Variants in DYNC2H1 observed in about 807,000 individuals in gnomAD.
DYNC2H1 encodes dynein cytoplasmic 2 heavy chain 1.
A neutral mutation model predicts 570.0 loss-of-function variants in DYNC2H1; 410 were observed. The observed-to-expected ratio is 0.72, with a 90% CI of 0.66 to 0.78. DYNC2H1 has a LOEUF of 0.78. Ranked by LOEUF, DYNC2H1 falls within the 30% of genes least tolerant of loss-of-function variation. DYNC2H1 has a pLI of 0.00. For synonymous variants in DYNC2H1, 1,688 were observed against 1,677.6 expected (o/e 1.01, Z -0.15); for missense variants, 4,865 against 5,046.4 (o/e 0.96, Z 1.09).
intron 82 of DYNC2H1, among the ~76,000 whole-genome samples, chr11:103,335,300 A>G (rs778905247): frequency 3.9e-5 from 6 of 152,134 alleles, no homozygotes; most frequent in Middle Eastern, 3.2e-3. Flanking sequence ...AACCTCTTTA[A>G]TGACTATACA....
chr11:103,123,365 A>G (rs1436008230), intron 11 of DYNC2H1, among the ~76,000 whole-genome samples: 2 of 152,122 alleles, frequency 1.3e-5, no homozygotes, highest in Non-Finnish European at 2.9e-5. Context: ...GTAAAATTGT[A>G]TTATTTTTAA....
chr11:103,138,666 G>A (rs1055377330), intron 17 of DYNC2H1, among the ~76,000 whole-genome samples: 13 of 152,226 alleles, frequency 8.5e-5, no homozygotes, highest in East Asian at 3.9e-4. Flanking sequence ...ATATTGGTCT[G>A]AAATTCTCTT....
chr11:103,443,834 T>C (rs369830980), intron 85 of DYNC2H1, among the ~76,000 whole-genome samples: 2 of 151,988 alleles, frequency 1.3e-5, no homozygotes, highest in South Asian at 2.1e-4. Context: ...AGATGATTTA[T>C]ATTGGATATT....
Position 103,122,945 on chromosome 11 carries a change from G to A in DYNC2H1, c.1606G>A (p.Asp536Asn). 2 of 1,609,156 alleles carry A rather than the reference G, an allele frequency of 1.2e-6. No homozygotes were observed. Among genetic ancestry groups the A allele is most frequent in the Non-Finnish European group, 1.7e-6 (2 of 1,177,082 alleles). ...QLKLYEQEQF[D>N]DWSRDIQSGL... is the part of the protein sequence containing the mutation. Reference sequence around the variant, plus strand: ...TAAACTATATGAACAGGAACAATTTGATGATTGGTCCAGGGATATTCAATC... The same window carrying A: ...TAAACTATATGAACAGGAACAATTTAATGATTGGTCCAGGGATATTCAATC... The change falls in exon 11 of 89, where the codon GAT (aspartate) becomes AAT (asparagine). Residue 536 changes from aspartate to asparagine, a missense_variant. Coordinates refer to ENST00000375735, the MANE Select transcript of DYNC2H1 (RefSeq NM_001377.3).
chr11:103,155,935 A>T (rs1160585651), intron 25 of DYNC2H1, among the ~76,000 whole-genome samples: 1 of 152,182 alleles, frequency 6.6e-6, no homozygotes, highest in East Asian at 1.9e-4. Flanking sequence ...AGAAGTTATG[A>T]AGCATGACTG....
At position 103,186,323 on chromosome 11, in the gene DYNC2H1, G is replaced by A. The variant is rs1266444660; in HGVS notation, c.6715G>A (p.Ala2239Thr). ...TYYDSTRGRL[A>T]TYVLKKPEDL... Reference sequence around the variant, plus strand: ...CTATGACTCTACTAGGGGTCGATTAGCAACATATGTGCTTAAGAAGCCAGA... The same window carrying A: ...CTATGACTCTACTAGGGGTCGATTAACAACATATGTGCTTAAGAAGCCAGA... Residue 2239 changes from alanine to threonine, a missense_variant, in exon 42 of 89, where the codon GCA becomes ACA. Physicochemically the swap from Ala to Thr is moderately conservative, Grantham distance 58 (BLOSUM62 0). This residue lies in a region of DYNC2H1 where 2,401 missense variants were observed against 2,454.6 expected (regional missense o/e 0.98). Transcript: ENST00000375735. The surrounding 1 kb of genome is among the most constrained non-coding windows in gnomAD (Gnocchi z 4.5). 10 of 1,612,662 alleles carry A rather than the reference G, an allele frequency of 6.2e-6. No individual in the cohort carries two copies. In the East Asian group the frequency reaches 1.8e-4, roughly 29 times the overall value.
intron 82 of DYNC2H1, among the ~76,000 whole-genome samples, chr11:103,349,941 C>T (rs1019392179): frequency 2.6e-5 from 4 of 152,000 alleles, no homozygotes; most frequent in South Asian, 2.1e-4. Context: ...AAAGTTTTCC[C>T]GCCTCCCCCT....
In DYNC2H1 at chr11:103,129,536, T is replaced by C. The variant is rs778884766; in HGVS notation, c.1953+531T>C. On this transcript the variant is annotated intron_variant, in intron 13 of 88. Transcript: ENST00000375735. This position sits in a 1 kb window ranked among gnomAD's most constrained non-coding sequence, Gnocchi z 4.1. ...ATCTCAACTAAAAATACAAAAAAATTAGCCAGGCATGGTGGTGGGTGCCTG... is the reference window on the plus strand; with the variant it reads ...ATCTCAACTAAAAATACAAAAAAATCAGCCAGGCATGGTGGTGGGTGCCTG... Among the ~76,000 whole-genome samples the C allele has an allele frequency of 1.7e-3, 265 of 152,090 alleles. 1 individual carries two copies. The highest frequency in any genetic ancestry group is 1.9e-3 in the Non-Finnish European group (130 of 67,960).
At chr11:103,123,827 CT>C (rs35580299) in intron 11 of DYNC2H1, among the ~76,000 whole-genome samples, 101,301 of 148,512 alleles carry the variant, frequency 0.68, 35,094 homozygotes, top group Admixed American at 0.77. Context: ...TCCTCCTGCC[CT>C]TTTTTTTTTT....
intron 24 of DYNC2H1, 30 bp from the exon 25 acceptor site, chr11:103,155,301 A>G: frequency 6.5e-7 from 1 of 1,537,022 alleles, no homozygotes; most frequent in Non-Finnish European, 8.7e-7. Flanking sequence ...GTGTATACAT[A>G]TGACTTTTTC....
chr11:103,357,339 C>A (rs561727776), intron 82 of DYNC2H1, among the ~76,000 whole-genome samples: 1 of 152,080 alleles, frequency 6.6e-6, no homozygotes, highest in African/African-American at 2.4e-5. Context: ...TTTACCTTGC[C>A]TTGTTTGAAT....
chr11:103,435,912 A>G, intron 84 of DYNC2H1, 31 bp from the exon 85 acceptor site: 1 of 1,605,262 alleles, frequency 6.2e-7, no homozygotes, highest in Non-Finnish European at 8.5e-7. Flanking sequence ...TCATATACAC[A>G]AACTTAATTT....
intron 86 of DYNC2H1, among the ~76,000 whole-genome samples, chr11:103,455,936 T>A (rs567735011): frequency 6.6e-6 from 1 of 152,280 alleles, no homozygotes; most frequent in Non-Finnish European, 1.5e-5. Flanking sequence ...TTTGTATTGC[T>A]TCAGGCTATT....
At chr11:103,259,537 G>C (rs957644310) in intron 69 of DYNC2H1, among the ~76,000 whole-genome samples, 3 of 151,792 alleles carry the variant, frequency 2.0e-5, no homozygotes, top group Non-Finnish European at 4.4e-5. Context: ...ATTGTTTTGG[G>C]GCTGGATTGA....
chr11:103,388,464 C>T (rs1218001157), intron 83 of DYNC2H1, among the ~76,000 whole-genome samples: 1 of 152,200 alleles, frequency 6.6e-6, no homozygotes, highest in Non-Finnish European at 1.5e-5. Context: ...GACAATTTGA[C>T]TTCCTCTTTT....
At chr11:103,341,054 G>A (rs7951464) in intron 82 of DYNC2H1, among the ~76,000 whole-genome samples, 5,425 of 152,064 alleles carry the variant, frequency 0.036, 321 homozygotes, top group African/African-American at 0.12. Context: ...AAGCCAGAGT[G>A]ATACAGGCAA....
intron 21 of DYNC2H1, 111 bp from the exon 22 acceptor site, chr11:103,153,192 T>G: frequency 1.1e-6 from 1 of 876,834 alleles, no homozygotes; most frequent in Non-Finnish European, 1.7e-6. Flanking sequence ...AAAGTTGACA[T>G]TGGTCATTGA....
chr11:103,389,219 T>A (rs1942028476), intron 83 of DYNC2H1, among the ~76,000 whole-genome samples: 1 of 152,168 alleles, frequency 6.6e-6, no homozygotes, highest in Admixed American at 6.5e-5. Context: ...CTTCTCCTGG[T>A]TTAGTCTTGG....
At chr11:103,414,752 A>G (rs1442436342) in intron 84 of DYNC2H1, among the ~76,000 whole-genome samples, 1 of 152,210 alleles carries the variant, frequency 6.6e-6, no homozygotes, top group Non-Finnish European at 1.5e-5. Flanking sequence ...ACAAGCAAAG[A>G]GCCAAATCAT....
Sources: gnomAD v4.1 joint callset for allele counts (sites outside exome capture counted in the v4.1 genomes callset) on GRCh38, gnomAD v4.1.1 for gene constraint, gnomAD v4.1.1 regional missense constraint, Gnocchi (gnomAD v3.1) non-coding constraint, MANE v1.5 for transcripts, NCBI Gene and HGNC (gene_info 2026-07-23, HGNC 2026-07-21) for gene names.